DECR2: variants seen among roughly 807,000 people sequenced by gnomAD.
DECR2 encodes peroxisomal 2,4-dienoyl-CoA reductase [(3E)-enoyl-CoA-producing].
DECR2 carries 34 observed loss-of-function variants against 29.2 expected under a neutral mutation model. The observed-to-expected ratio is 1.16, with a 90% CI of 0.89 to 1.55. The LOEUF (loss-of-function observed/expected upper bound fraction) is 1.55, where lower values mean the gene tolerates loss of function less well. Ranked by LOEUF, DECR2 falls within the 40% of genes most tolerant of loss-of-function variation. The pLI, the probability that DECR2 is intolerant of heterozygous loss-of-function variation, is 0.00. For synonymous variants in DECR2, 224 were observed against 182.7 expected (o/e 1.23, Z -1.82); for missense variants, 485 against 425.3 (o/e 1.14, Z -1.23).
chr16:404,222 A>G (rs951467639), intron 1 of DECR2, among the ~76,000 whole-genome samples: 2 of 151,914 alleles, frequency 1.3e-5, no homozygotes, highest in African/African-American at 4.8e-5. Context: ...CTATAATTTT[A>G]TGAATTTTCA....
chr16:405,137 A>G (rs1220609016), intron 2 of DECR2, 113 bp downstream of exon 2: 2 of 1,298,788 alleles, frequency 1.5e-6, no homozygotes, highest in African/African-American at 1.5e-5. Flanking sequence ...CTGCTCACCT[A>G]CCCGACAGGA....
intron 2 of DECR2, chr16:405,392 T>G: frequency 3.3e-6 from 2 of 598,630 alleles, no homozygotes; most frequent in South Asian, 4.1e-5. Context: ...GTGGCTAGAG[T>G]TAGGCTGGGG....
In DECR2 at chr16:405,244, CTCTGG is replaced by C. The variant is rs541336305; in HGVS notation, c.149+226_149+230del. ...CTACAGGTCAGTGGAGATTGTGTGG[CTCTGG>C]TCTGGGGCCTGCTGGGACCTCGAGA... On this transcript the variant is annotated intron_variant, in intron 2 of 8. Transcript: ENST00000219481. 1.1e-3 allele frequency: 700 copies of C among 629,832 alleles called. 6 individuals carry two copies. The highest frequency in any genetic ancestry group is 5.0e-4 in the Non-Finnish European group (183 of 366,282). 39.0% of individuals were successfully genotyped at this position (629,832 alleles called of 1,614,324 possible).
intron 1 of DECR2, 120 bp downstream of exon 1, chr16:402,163 TC>T: frequency 1.5e-6 from 1 of 681,874 alleles, no homozygotes; most frequent in African/African-American, 4.4e-5. Flanking sequence ...CTGGCTCCTT[TC>T]TTTCTTTTTT....
chr16:410,183 C>G lies in DECR2; in HGVS notation c.338-60C>G. 2 of 1,580,270 alleles carry G rather than the reference C, an allele frequency of 1.3e-6. No individual in the cohort carries two copies. Among genetic ancestry groups the G allele is most frequent in the Non-Finnish European group, 1.7e-6 (2 of 1,161,984 alleles). On this transcript the variant is annotated intron_variant, in intron 4 of 8. Coordinates refer to ENST00000219481, the MANE Select transcript of DECR2 (RefSeq NM_020664.4). This position sits in a 1 kb window ranked among gnomAD's most constrained non-coding sequence, Gnocchi z 4.1. ...CCCTCCGCTCTGCCCACCTGGCCAC[C>G]ACCCACTTGGCATCCCTCTCCCCAG...
rs574733062 is a variant in DECR2, at chr16:411,426, A to G, written c.727A>G (p.Thr243Ala). The G allele has an allele frequency of 1.2e-6, 2 of 1,613,298 alleles. No homozygotes were observed. The highest frequency in any genetic ancestry group is 4.5e-5 in the East Asian group (2 of 44,870). The change falls in exon 8 of 9, where the codon ACC (threonine) becomes GCC (alanine). Residue 243 changes from threonine (T) to alanine (A), a missense_variant. Physicochemically the swap from Thr to Ala is moderately conservative, Grantham distance 58 (BLOSUM62 0). Transcript: ENST00000219481. Reference sequence around the variant, plus strand: ...CCCGCTGCAGAGGCTGGGGAACAAGACCGAGATCGCCCACAGCGTGCTCTA... The same window carrying G: ...CCCGCTGCAGAGGCTGGGGAACAAGGCCGAGATCGCCCACAGCGTGCTCTA... ...ASPLQRLGNKTEIAHSVLYLA... is the reference protein window; with the variant it reads ...ASPLQRLGNKAEIAHSVLYLA...
chr16:411,242 T>C, intron 7 of DECR2, 119 bp from the exon 8 acceptor site: 4 of 1,207,694 alleles, frequency 3.3e-6, no homozygotes, highest in African/African-American at 1.5e-5. Context: ...ATGCTAGGCC[T>C]TGGTGACACT....
At position 411,024 on chromosome 16, in the gene DECR2, C is replaced by A; in HGVS notation, c.609C>A (p.Val203=). 1 of 1,599,330 alleles carries A rather than the reference C, an allele frequency of 6.3e-7. No homozygotes were observed. Among genetic ancestry groups the A allele is most frequent in the Non-Finnish European group, 8.5e-7 (1 of 1,173,650 alleles). Residue 203 remains valine (V), a synonymous_variant, in exon 7 of 9, where the codon GTC becomes GTA. Transcript: ENST00000219481. ...AVEWGPQNIR[V]NSLAPGPISG... ...AGTGGGGTCCCCAAAACATCCGCGT[C>A]AACAGCCTCGCCCCTGGCCCCATCA...
intron 4 of DECR2, among the ~76,000 whole-genome samples, chr16:407,988 CCTGTCTCCGGGCCT>C (rs1567340735): frequency 3.8e-4 from 29 of 76,824 alleles, no homozygotes; most frequent in East Asian, 8.1e-4. Context: ...TCTCCGGGCC[CCTGTCTCCGGGCCT>C]CTGTCTCCGG....
chr16:408,924 C>T lies in DECR2; in HGVS notation c.338-1319C>T, dbSNP rs1057063251. Among the ~76,000 whole-genome samples the T allele has an allele frequency of 4.6e-5, 7 of 151,816 alleles. No homozygotes were observed. In the East Asian group the frequency reaches 5.8e-4, roughly 13 times the overall value. On this transcript the variant is annotated intron_variant, in intron 4 of 8. Transcript: ENST00000219481. ...TCAGCTTACAGCACCCTCCGCCTCCCGGGTTCAAGCAATTCTCCCGTCTCA... is the reference window on the plus strand; with the variant it reads ...TCAGCTTACAGCACCCTCCGCCTCCTGGGTTCAAGCAATTCTCCCGTCTCA...
At chr16:407,362 C>G in intron 3 of DECR2, 63 bp from the exon 4 acceptor site, 1 of 1,538,074 alleles carries the variant, frequency 6.5e-7, no homozygotes, top group Non-Finnish European at 8.7e-7. Context: ...CTGCAGATTC[C>G]AAAGGCCTTT....
rs2054812008 is a variant in DECR2, at chr16:411,009, C to T, written c.594C>T (p.Pro198=). 1.2e-6 allele frequency: 2 copies of T among 1,603,568 alleles called. No homozygotes were observed. Among genetic ancestry groups the T allele is most frequent in the Non-Finnish European group, 1.7e-6 (2 of 1,175,764 alleles). Reference sequence around the variant, plus strand: ...GGCACTTGGCTGTGGAGTGGGGTCCCCAAAACATCCGCGTCAACAGCCTCG... The same window carrying T: ...GGCACTTGGCTGTGGAGTGGGGTCCTCAAAACATCCGCGTCAACAGCCTCG... The part of the protein sequence containing the change: ...MTRHLAVEWG[P]QNIRVNSLAP... The change falls in exon 7 of 9, where the codon CCC becomes CCT. Residue 198 remains proline (P), a synonymous_variant. Transcript: ENST00000219481.
chr16:404,847 C>T, intron 1 of DECR2, 109 bp from the exon 2 acceptor site: 2 of 1,008,432 alleles, frequency 2.0e-6, no homozygotes, highest in South Asian at 1.4e-5. Flanking sequence ...CCAAGCTGGT[C>T]TCGATCTCCT....
chr16:405,716 G>A, intron 2 of DECR2: 1 of 765,420 alleles, frequency 1.3e-6, no homozygotes, highest in South Asian at 1.5e-5. Flanking sequence ...GGGTGGCTGT[G>A]AGACGGGCGT....
Position 406,331 on chromosome 16 carries a change from C to G in DECR2, c.150-15C>G. On this transcript the variant is annotated splice_polypyrimidine_tract_variant and intron_variant, in intron 2 of 8. Coordinates refer to ENST00000219481, the MANE Select transcript of DECR2 (RefSeq NM_020664.4). ...CTCGCCCACACTGCCCTCACACCTGCTTCTGGTTTTGCAGGCACGGCTGCC... is the reference window on the plus strand; with the variant it reads ...CTCGCCCACACTGCCCTCACACCTGGTTCTGGTTTTGCAGGCACGGCTGCC... 6.2e-7 allele frequency: 1 copy of G among 1,605,780 alleles called. No individual in the cohort carries two copies. Among genetic ancestry groups the G allele is most frequent in the Non-Finnish European group, 8.5e-7 (1 of 1,179,828 alleles).
intron 1 of DECR2, among the ~76,000 whole-genome samples, chr16:403,185 G>A (rs560115989): frequency 6.9e-6 from 1 of 144,916 alleles, no homozygotes; most frequent in South Asian, 2.4e-4. Flanking sequence ...TACCACGCTG[G>A]GCTAATTGTA....
At position 411,831 on chromosome 16, in the gene DECR2, C is replaced by T. The variant is rs545645791; in HGVS notation, c.*1-59C>T. ...GCAGGTGCTGGGTGGCCGAGGCAGC[C>T]GAGGTGTTTTAGGGGGAAGCCGTCC... On this transcript the variant is annotated intron_variant, in intron 8 of 8. Transcript: ENST00000219481. 1.7e-4 allele frequency: 81 copies of T among 475,448 alleles called. No homozygotes were observed. In the South Asian group the frequency reaches 1.8e-3, roughly 10 times the overall value. The allele number at this position is 475,448 out of a possible 1,614,324, so 29.5% of individuals were successfully genotyped here.
intron 8 of DECR2, 58 bp from the exon 9 acceptor site, chr16:411,832 G>C (rs564219829): frequency 3.7e-5 from 18 of 480,346 alleles, no homozygotes; most frequent in African/African-American, 1.0e-4. Flanking sequence ...CGAGGCAGCC[G>C]AGGTGTTTTA....
chr16:406,070 G>A (rs1286880874), intron 2 of DECR2, among the ~76,000 whole-genome samples: 4 of 152,230 alleles, frequency 2.6e-5, no homozygotes, highest in Non-Finnish European at 5.9e-5. Flanking sequence ...TGTGGGCTGG[G>A]CGTCTGTGGC....
Sources: gnomAD v4.1 joint callset for allele counts (sites outside exome capture counted in the v4.1 genomes callset) on GRCh38, gnomAD v4.1.1 for gene constraint, Gnocchi (gnomAD v3.1) non-coding constraint, MANE v1.5 for transcripts, NCBI Gene and HGNC (gene_info 2026-07-23, HGNC 2026-07-21) for gene names.